Variants in CYTH1 observed in about 807,000 individuals in gnomAD.
CYTH1 encodes the protein cytohesin 1.
CYTH1 carries 18 observed loss-of-function variants against 61.8 expected under a neutral mutation model. The ratio of observed to expected loss-of-function variants is 0.29; its 90% CI spans 0.20 to 0.43. The LOEUF (loss-of-function observed/expected upper bound fraction) is 0.43. CYTH1 is among the 20% of genes least tolerant of loss of function. The pLI, the probability that CYTH1 is intolerant of heterozygous loss-of-function variation, is 1.00. For missense variants in CYTH1, 336 were observed against 510.5 expected (o/e 0.66, Z 3.29); for synonymous variants, 174 against 184.3 (o/e 0.94, Z 0.45).
At chr17:78,746,908 C>T (rs1255141879) in intron 1 of CYTH1, among the ~76,000 whole-genome samples, 2 of 151,894 alleles carry the variant, frequency 1.3e-5, no homozygotes, top group African/African-American at 2.4e-5. Flanking sequence ...CACCCCACTG[C>T]ACTCCAGTCT....
chr17:78,706,136 A>G (rs1443345922), intron 3 of CYTH1, among the ~76,000 whole-genome samples: 1 of 152,176 alleles, frequency 6.6e-6, no homozygotes, highest in Non-Finnish European at 1.5e-5. Flanking sequence ...CATTTTTAAG[A>G]TCGAGGTAAA....
At chr17:78,755,143 C>T (rs568151724) in intron 1 of CYTH1, among the ~76,000 whole-genome samples, 6 of 152,092 alleles carry the variant, frequency 3.9e-5, no homozygotes, top group African/African-American at 1.4e-4. Flanking sequence ...ACAACTGATA[C>T]CCCCAACAAT....
intron 10 of CYTH1, among the ~76,000 whole-genome samples, chr17:78,695,418 G>A (rs980843531): frequency 2.6e-5 from 4 of 152,094 alleles, no homozygotes; most frequent in African/African-American, 9.7e-5. Context: ...TTTGAGTTTA[G>A]GAAATACCAT....
chr17:78,727,141 G>A (rs926191124), intron 1 of CYTH1, among the ~76,000 whole-genome samples: 1 of 152,186 alleles, frequency 6.6e-6, no homozygotes, highest in Non-Finnish European at 1.5e-5. Context: ...CCAAACCCAC[G>A]AATTCACAAT....
chr17:78,768,857 A>G (rs1189020451), intron 1 of CYTH1, among the ~76,000 whole-genome samples: 1 of 152,128 alleles, frequency 6.6e-6, no homozygotes, highest in Non-Finnish European at 1.5e-5. Flanking sequence ...AAAATAAAAA[A>G]TAAAAATAAA....
At chr17:78,692,878 T>C (rs1398595766) in intron 10 of CYTH1, among the ~76,000 whole-genome samples, 2 of 152,054 alleles carry the variant, frequency 1.3e-5, no homozygotes, top group African/African-American at 4.8e-5. Flanking sequence ...CAGCACCTAG[T>C]GCAGGCTACT....
chr17:78,698,809 T>C lies in CYTH1; in HGVS notation c.699+11A>G. On this transcript the variant is annotated intron_variant, in intron 8 of 13. Transcript: ENST00000446868. ...TCTTGACTTGAATGAAGACCATTCT[T>C]CCTTGCTTACCCGGAGGAGCTCCTC... is the stretch of plus-strand genomic sequence containing the variant. 1 of 1,564,518 alleles carries C rather than the reference T, an allele frequency of 6.4e-7. No homozygotes were observed. Among genetic ancestry groups the C allele is most frequent in the Non-Finnish European group, 8.6e-7 (1 of 1,164,186 alleles).
At chr17:78,676,658 C>T (rs2092702739) in intron 13 of CYTH1, 1 of 297,874 alleles carries the variant, frequency 3.4e-6, no homozygotes, top group East Asian at 9.9e-5. Context: ...AACTAAGGCT[C>T]CATGACTCTG....
At chr17:78,752,943 A>G (rs1239808242) in intron 1 of CYTH1, among the ~76,000 whole-genome samples, 2 of 152,186 alleles carry the variant, frequency 1.3e-5, no homozygotes, top group African/African-American at 2.4e-5. Flanking sequence ...AGACATTCAT[A>G]ATCTTGGGAA....
At chr17:78,760,483 AT>A (rs2093421778) in intron 1 of CYTH1, among the ~76,000 whole-genome samples, 1 of 48,790 alleles carries the variant, frequency 2.0e-5, no homozygotes, top group Non-Finnish European at 3.8e-5. Flanking sequence ...ATATATATGT[AT>A]GTATATATAT....
At chr17:78,747,336 CT>C (rs1247586729) in intron 1 of CYTH1, among the ~76,000 whole-genome samples, 4 of 151,960 alleles carry the variant, frequency 2.6e-5, no homozygotes, top group Non-Finnish European at 5.9e-5. Flanking sequence ...CAGCAGCATT[CT>C]CTGGTATTTA....
intron 1 of CYTH1, among the ~76,000 whole-genome samples, chr17:78,714,342 A>T (rs2093163126): frequency 6.6e-6 from 1 of 152,092 alleles, no homozygotes; most frequent in Non-Finnish European, 1.5e-5. Context: ...ACATCCATAA[A>T]CCTACAATAT....
chr17:78,758,534 G>A (rs1461226653), intron 1 of CYTH1, among the ~76,000 whole-genome samples: 4 of 152,022 alleles, frequency 2.6e-5, no homozygotes, highest in Non-Finnish European at 2.9e-5. Context: ...GAGAAACCCC[G>A]TCTCTACTAA....
chr17:78,687,082 A>G (rs2092824287), intron 11 of CYTH1, among the ~76,000 whole-genome samples: 2 of 152,076 alleles, frequency 1.3e-5, no homozygotes, highest in African/African-American at 4.8e-5. Context: ...CGCCCAGCCT[A>G]CATTACATTT....
chr17:78,764,068 A>G (rs1418936528), intron 1 of CYTH1, among the ~76,000 whole-genome samples: 1 of 152,052 alleles, frequency 6.6e-6, no homozygotes, highest in Non-Finnish European at 1.5e-5. Flanking sequence ...CCAAGATCCC[A>G]TCACTGCACT....
At chr17:78,754,253 C>A (rs1025457889) in intron 1 of CYTH1, among the ~76,000 whole-genome samples, 1 of 152,216 alleles carries the variant, frequency 6.6e-6, no homozygotes, top group Non-Finnish European at 1.5e-5. Flanking sequence ...AACCCTCTTA[C>A]GCAGATTTGC....
intron 2 of CYTH1, among the ~76,000 whole-genome samples, chr17:78,708,549 AAAAC>A (rs1465307592): frequency 6.6e-6 from 1 of 152,220 alleles, no homozygotes; most frequent in Non-Finnish European, 1.5e-5. Flanking sequence ...TGCTGTGTGA[AAAAC>A]AAAACCTGGC....
intron 1 of CYTH1, among the ~76,000 whole-genome samples, chr17:78,725,370 G>A (rs1388670577): frequency 1.3e-5 from 2 of 152,154 alleles, no homozygotes; most frequent in Non-Finnish European, 2.9e-5. Flanking sequence ...GACTATCCAC[G>A]CTGGTTATCT....
chr17:78,760,353 GTT>G (rs1380290722), intron 1 of CYTH1, among the ~76,000 whole-genome samples: 2 of 58,290 alleles, frequency 3.4e-5, no homozygotes, highest in African/African-American at 6.1e-5. Context: ...CAAATAGCAG[GTT>G]TATATATATA....
Sources: allele counts gnomAD v4.1 joint callset (sites outside exome capture counted in the v4.1 genomes callset), GRCh38; gene constraint gnomAD v4.1.1; transcripts MANE v1.5; gene names NCBI Gene and HGNC (gene_info 2026-07-23, HGNC 2026-07-21).